The following TNS3 variants were observed in gnomAD, a reference collection of about 807,000 sequenced individuals.
TNS3 encodes tensin-3.
TNS3 carries 45 observed loss-of-function variants against 140.9 expected under a neutral mutation model. That is an observed-to-expected ratio of 0.32 (90% CI 0.25 to 0.41). The LOEUF (loss-of-function observed/expected upper bound fraction) is 0.41, where lower values mean the gene tolerates loss of function less well. Ranked by LOEUF, TNS3 falls within the 10% of genes least tolerant of loss-of-function variation. The probability of loss-of-function intolerance (pLI) is 1.00; values close to 1 mark genes in which losing one functional copy is unlikely to be tolerated. For synonymous variants in TNS3, 815 were observed against 788.4 expected, an observed-to-expected ratio of 1.03 and a Z score of -0.56; for missense variants, 1,716 against 1,906.7, an observed-to-expected ratio of 0.90 and a Z score of 1.86.
chr7:47,386,273 T>G (rs113187831), intron 16 of TNS3, among the ~76,000 whole-genome samples: 1 of 152,176 alleles, frequency 6.6e-6, no homozygotes, highest in Admixed American at 6.5e-5. Context: ...TCCCCCCACA[T>G]CCACAACAGG....
At chr7:47,436,578 TC>T (rs1424440551) in intron 7 of TNS3, among the ~76,000 whole-genome samples, 1 of 152,028 alleles carries the variant, frequency 6.6e-6, no homozygotes, top group African/African-American at 2.4e-5. Flanking sequence ...TGCACCTGTA[TC>T]CCAGAACTTA....
At chr7:47,549,767 C>T (rs566982429) in intron 1 of TNS3, among the ~76,000 whole-genome samples, 5 of 152,276 alleles carry the variant, frequency 3.3e-5, no homozygotes, top group African/African-American at 7.2e-5. Context: ...TCTGTCCATC[C>T]GGTTCAGAGG....
At chr7:47,502,018 G>T (rs964312624) in intron 3 of TNS3, among the ~76,000 whole-genome samples, 2 of 152,178 alleles carry the variant, frequency 1.3e-5, no homozygotes, top group African/African-American at 4.8e-5. Flanking sequence ...ATACGAGCAA[G>T]GTGGGCTAAA....
chr7:47,401,837 AC>A (rs926852309), intron 13 of TNS3, among the ~76,000 whole-genome samples: 2 of 152,250 alleles, frequency 1.3e-5, no homozygotes, highest in Admixed American at 1.3e-4. Context: ...AGGTAGTGGC[AC>A]TTTCCCAAAT....
intron 1 of TNS3, among the ~76,000 whole-genome samples, chr7:47,553,882 T>G (rs963929672): frequency 6.6e-6 from 1 of 151,936 alleles, no homozygotes; most frequent in African/African-American, 2.4e-5. Context: ...TCCGGCTCAC[T>G]GCAACCTCCA....
intron 1 of TNS3, among the ~76,000 whole-genome samples, chr7:47,556,751 C>CG (rs1280676425): frequency 3.3e-5 from 5 of 152,192 alleles, no homozygotes; most frequent in Admixed American, 2.6e-4. Context: ...CTGCAAAGTG[C>CG]GGGCCCCAGG....
At chr7:47,364,397 C>A (rs1790573830) in intron 17 of TNS3, among the ~76,000 whole-genome samples, 1 of 151,506 alleles carries the variant, frequency 6.6e-6, no homozygotes, top group Non-Finnish European at 1.5e-5. Context: ...ATTCTCCTGC[C>A]TCAGCCTCCC....
intron 2 of TNS3, among the ~76,000 whole-genome samples, chr7:47,519,287 A>G (rs567251957): frequency 1.6e-4 from 22 of 140,518 alleles, no homozygotes; most frequent in Non-Finnish European, 2.2e-4. Context: ...TGCAAAGGAG[A>G]ATGTCTCTGC....
intron 18 of TNS3, 127 bp from the exon 19 acceptor site, chr7:47,345,165 G>A (rs2150996210): frequency 1.4e-6 from 1 of 696,446 alleles, no homozygotes; most frequent in East Asian, 2.7e-5. Flanking sequence ...GTAGGACAAG[G>A]AGGCTGAGGT....
chr7:47,302,155 G>T (rs1325026390), intron 23 of TNS3, 31 bp downstream of exon 23: 2 of 1,580,668 alleles, frequency 1.3e-6, no homozygotes, highest in Admixed American at 3.3e-5. Flanking sequence ...TAGGGCAGAT[G>T]CCCAAGGAGG....
intron 2 of TNS3, among the ~76,000 whole-genome samples, chr7:47,520,842 C>A (rs1798948025): frequency 6.6e-6 from 1 of 152,226 alleles, no homozygotes; most frequent in Admixed American, 6.5e-5. Flanking sequence ...TAGAAGTCAA[C>A]CCCAGGGTGG....
intron 24 of TNS3, among the ~76,000 whole-genome samples, chr7:47,296,456 T>C (rs905565529): frequency 6.6e-6 from 1 of 152,138 alleles, no homozygotes; most frequent in Non-Finnish European, 1.5e-5. Context: ...CATTACTGGG[T>C]ATTATACCCA....
At chr7:47,350,954 A>C (rs1330942223) in intron 17 of TNS3, among the ~76,000 whole-genome samples, 2 of 152,202 alleles carry the variant, frequency 1.3e-5, no homozygotes, top group Non-Finnish European at 2.9e-5. Flanking sequence ...TATTTTAAAA[A>C]CTAAGAAAAT....
Position 47,369,135 on chromosome 7 carries a change from G to A in TNS3, c.1511C>T (p.Ser504Leu), listed in dbSNP as rs117019375. ...GCAGGTGAAGGGACCCAGGTGGGCCGACTGAGGCCCTTCCGAGGAGGACAG... is the reference window on the plus strand; with the variant it reads ...GCAGGTGAAGGGACCCAGGTGGGCCAACTGAGGCCCTTCCGAGGAGGACAG... ...GTLSSSEGPQ[S>L]AHLGPFTCHK... is the part of the protein sequence containing the mutation. Residue 504 changes from serine to leucine, a missense_variant, in exon 17 of 31, where the codon TCG becomes TTG. Physicochemically the swap from Ser to Leu is moderately radical, Grantham distance 145. Around this residue, in one of 3 missense-constraint regions of TNS3, gnomAD observed 1,163 missense variants for 1,182.1 expected, o/e 0.98. Coordinates refer to ENST00000311160, the MANE Select transcript of TNS3 (RefSeq NM_022748.12). 21,104 of 1,613,892 alleles carry A rather than the reference G, an allele frequency of 0.013. 200 individuals are homozygous for A. The highest frequency in any genetic ancestry group is 0.025 in the South Asian group (2,286 of 91,076).
intron 16 of TNS3, among the ~76,000 whole-genome samples, chr7:47,388,123 C>T (rs1042530195): frequency 2.6e-5 from 4 of 152,142 alleles, no homozygotes; most frequent in Non-Finnish European, 5.9e-5. Flanking sequence ...AGGAGATGGA[C>T]ATAAGAGCAC....
rs898887469 is a variant in TNS3, at chr7:47,507,114, G to A, written c.-152-170C>T. Among the ~76,000 whole-genome samples, 3 of 152,342 alleles carry A rather than the reference G, an allele frequency of 2.0e-5. No individual in the cohort carries two copies. In the East Asian group the frequency reaches 5.8e-4, roughly 29 times the overall value. ...CATATGACACACGGCAGTGTGGACAGAAGGCAGTGAGGACATGGTGTGCAA... is the reference window on the plus strand; with the variant it reads ...CATATGACACACGGCAGTGTGGACAAAAGGCAGTGAGGACATGGTGTGCAA... On this transcript the variant is annotated intron_variant, in intron 2 of 30. Transcript: ENST00000311160.
At chr7:47,439,769 G>A (rs899655255) in intron 5 of TNS3, 111 bp from the exon 6 acceptor site, 5 of 1,124,942 alleles carry the variant, frequency 4.4e-6, no homozygotes, top group Non-Finnish European at 5.1e-6. Flanking sequence ...GTTCACATCA[G>A]CACCTGGGCG....
intron 3 of TNS3, among the ~76,000 whole-genome samples, chr7:47,481,928 A>G (rs1251886983): frequency 6.6e-6 from 1 of 152,194 alleles, no homozygotes; most frequent in East Asian, 1.9e-4. Flanking sequence ...AACTGCAGGT[A>G]ACAATAGTGC....
At chr7:47,337,357 G>A (rs1788690843) in intron 20 of TNS3, among the ~76,000 whole-genome samples, 1 of 152,194 alleles carries the variant, frequency 6.6e-6, no homozygotes, top group South Asian at 2.1e-4. Flanking sequence ...AACACATGGG[G>A]CTTATGCTGA....
Sources: allele counts gnomAD v4.1 joint callset (sites outside exome capture counted in the v4.1 genomes callset), GRCh38; gene constraint gnomAD v4.1.1; regional missense constraint gnomAD v4.1.1; transcripts MANE v1.5; gene names NCBI Gene and HGNC (gene_info 2026-07-23, HGNC 2026-07-21).